MAGI2: variants seen among roughly 807,000 people sequenced by gnomAD.
MAGI2 encodes the protein membrane associated guanylate kinase, WW and PDZ domain containing 2, also known as membrane-associated guanylate kinase, WW and PDZ domain-containing protein 2.
In MAGI2, 35 loss-of-function variants were observed where a neutral mutation model predicts 133.3. That is an observed-to-expected ratio of 0.26 (90% confidence interval 0.20 to 0.35). MAGI2 has a LOEUF of 0.35. Ranked by LOEUF, MAGI2 falls within the 10% of genes least tolerant of loss-of-function variation. MAGI2 has a pLI of 1.00. For synonymous variants in MAGI2, 729 were observed against 710.6 expected, an observed-to-expected ratio of 1.03 and a Z score of -0.41; for missense variants, 1,636 against 1,863.4, an observed-to-expected ratio of 0.88 and a Z score of 2.25.
intron 1 of MAGI2, among the ~76,000 whole-genome samples, chr7:79,312,180 G>C (rs927472811): frequency 1.3e-5 from 2 of 152,124 alleles, no homozygotes; most frequent in Non-Finnish European, 2.9e-5. Flanking sequence ...GATAAGTCAA[G>C]TCGAAGCATG....
At chr7:78,823,581 A>T (rs1374432048) in intron 2 of MAGI2, among the ~76,000 whole-genome samples, 1 of 21,938 alleles carries the variant, frequency 4.6e-5, no homozygotes, top group African/African-American at 2.3e-4. Context: ...ACTCCGTCTC[A>T]AAAAAAAAAA....
chr7:78,318,988 A>G (rs1286716862), intron 9 of MAGI2, among the ~76,000 whole-genome samples: 1 of 152,184 alleles, frequency 6.6e-6, no homozygotes, highest in Non-Finnish European at 1.5e-5. Context: ...GAAAAGAACA[A>G]CCGGTACCAG....
At chr7:78,889,779 A>G (rs186551958) in intron 2 of MAGI2, among the ~76,000 whole-genome samples, 1 of 152,220 alleles carries the variant, frequency 6.6e-6, no homozygotes, top group Non-Finnish European at 1.5e-5. Context: ...AAAACATGCC[A>G]AATTGTGAAG....
intron 10 of MAGI2, among the ~76,000 whole-genome samples, chr7:78,218,591 A>C (rs138117427): frequency 1.3e-5 from 2 of 152,316 alleles, no homozygotes; most frequent in Non-Finnish European, 2.9e-5. Flanking sequence ...TCCCATCTTC[A>C]AGTCACTTAA....
In MAGI2 at chr7:79,203,617, A is replaced by C. The variant is rs530921279; in HGVS notation, c.302-196411T>G. ...CTGAACAATTAGGCATTCACTCCTG[A>C]AAAAAAATTGTAGAATATTATGTTG... On this transcript the variant is annotated intron_variant, in intron 1 of 21. Coordinates refer to ENST00000354212, the MANE Select transcript of MAGI2 (RefSeq NM_012301.4). Among the ~76,000 whole-genome samples, 239 of 152,064 alleles carry C rather than the reference A, an allele frequency of 1.6e-3. 3 individuals carry two copies. The highest frequency in any genetic ancestry group is 5.4e-3 in the African/African-American group (223 of 41,404).
At chr7:79,106,043 A>T (rs13243641) in intron 1 of MAGI2, among the ~76,000 whole-genome samples, 94,117 of 152,106 alleles carry the variant, frequency 0.62, 35,047 homozygotes, top group Non-Finnish European at 0.83. Context: ...TTGAAAGGAA[A>T]CCACTGTGGG....
chr7:79,403,443 T>A (rs537386127), intron 1 of MAGI2, among the ~76,000 whole-genome samples: 53 of 152,086 alleles, frequency 3.5e-4, no homozygotes, highest in East Asian at 1.2e-3. Flanking sequence ...GCTTTTTTTT[T>A]AAAAAAGAAA....
chr7:78,351,614 G>A (rs1262995701), intron 7 of MAGI2: 1 of 151,786 alleles, frequency 6.6e-6, no homozygotes, highest in African/African-American at 2.4e-5. Context: ...GAATCCCTAG[G>A]CTTTCTCTAA....
chr7:78,585,567 T>C (rs1803313084), intron 3 of MAGI2, among the ~76,000 whole-genome samples: 1 of 152,226 alleles, frequency 6.6e-6, no homozygotes, highest in South Asian at 2.1e-4. Flanking sequence ...CCAGTGGCAA[T>C]GTGCAGCTGA....
intron 1 of MAGI2, chr7:79,173,115 T>G (rs2129549071): frequency 6.6e-6 from 1 of 152,134 alleles, no homozygotes; most frequent in East Asian, 1.9e-4. Flanking sequence ...ATGAATTTTC[T>G]TACATAAAAT....
chr7:78,604,514 T>C (rs529075850), intron 3 of MAGI2, among the ~76,000 whole-genome samples: 68 of 152,300 alleles, frequency 4.5e-4, no homozygotes, highest in African/African-American at 1.6e-3. Flanking sequence ...TGAAATTCAT[T>C]CACTAAGCAA....
chr7:78,344,160 C>T (rs79351122), intron 8 of MAGI2, among the ~76,000 whole-genome samples, 200 bp from the exon 9 acceptor site: 57 of 152,194 alleles, frequency 3.7e-4, no homozygotes, highest in African/African-American at 1.3e-3. Flanking sequence ...CCCAAGCATC[C>T]AGGGAAAGAT....
chr7:79,251,580 A>T (rs1221283320), intron 1 of MAGI2, among the ~76,000 whole-genome samples: 2 of 152,188 alleles, frequency 1.3e-5, no homozygotes, highest in African/African-American at 4.8e-5. Flanking sequence ...AAAGACAGAC[A>T]ATAACAAATG....
intron 2 of MAGI2, among the ~76,000 whole-genome samples, chr7:78,998,982 T>G (rs1383887414): frequency 6.6e-6 from 1 of 152,090 alleles, no homozygotes; most frequent in Non-Finnish European, 1.5e-5. Flanking sequence ...TGCGTTATTT[T>G]CCATCAAAAC....
At chr7:78,667,329 T>C (rs1270681352) in intron 2 of MAGI2, among the ~76,000 whole-genome samples, 2 of 151,318 alleles carry the variant, frequency 1.3e-5, no homozygotes, top group Non-Finnish European at 1.5e-5. Context: ...AAACAAAGCG[T>C]GCAGTATTGT....
In MAGI2 at chr7:78,759,510, T is replaced by A. The variant is rs146537618; in HGVS notation, c.419-132271A>T. On this transcript the variant is annotated intron_variant, in intron 2 of 21. Coordinates refer to ENST00000354212, the MANE Select transcript of MAGI2 (RefSeq NM_012301.4). The stretch of plus-strand genomic sequence containing the variant: ...AACCAAAAGGAGAATTTTTAAAAGT[T>A]AATTAGAATCTCTTATTTTCTCTAG... Among the ~76,000 whole-genome samples, 18 of 152,304 alleles carry A rather than the reference T, an allele frequency of 1.2e-4. No homozygotes were observed. The East Asian group carries it at 3.5e-3, about 29-fold the overall frequency.
At chr7:78,630,746 T>C (rs1808899992) in intron 2 of MAGI2, among the ~76,000 whole-genome samples, 2 of 152,284 alleles carry the variant, frequency 1.3e-5, no homozygotes, top group South Asian at 4.1e-4. Context: ...CTATATGTAA[T>C]ATGTTTTCAT....
intron 2 of MAGI2, among the ~76,000 whole-genome samples, chr7:78,660,187 G>A (rs1375849751): frequency 6.6e-6 from 1 of 151,734 alleles, no homozygotes; most frequent in Non-Finnish European, 1.5e-5. Context: ...CGAGTTAATG[G>A]GTGCAGCACA....
chr7:78,395,337 C>G (rs1796245437), intron 6 of MAGI2, among the ~76,000 whole-genome samples: 1 of 152,114 alleles, frequency 6.6e-6, no homozygotes, highest in East Asian at 1.9e-4. Context: ...AAGGGGGAAG[C>G]AAGACAAATG....
Sources: gnomAD v4.1 joint callset for allele counts (sites outside exome capture counted in the v4.1 genomes callset) on GRCh38, gnomAD v4.1.1 for gene constraint, MANE v1.5 for transcripts, NCBI Gene and HGNC (gene_info 2026-07-23, HGNC 2026-07-21) for gene names.